Variants in THSD7B observed in about 807,000 individuals in gnomAD.
THSD7B encodes thrombospondin type-1 domain-containing protein 7B.
Under a neutral mutation model 213.6 loss-of-function variants are expected in THSD7B, and 138 were observed. The observed-to-expected ratio is 0.65, with a 90% CI of 0.56 to 0.74. The LOEUF is 0.74. THSD7B is among the 30% of genes least tolerant of loss of function. The pLI is 0.00. For synonymous variants in THSD7B, 742 were observed against 687.0 expected (o/e 1.08, Z -1.25); for missense variants, 1,931 against 1,991.5 (o/e 0.97, Z 0.58).
chr2:137,479,949 G>C (rs934611243), intron 15 of THSD7B, among the ~76,000 whole-genome samples: 1 of 152,164 alleles, frequency 6.6e-6, no homozygotes, highest in Admixed American at 6.5e-5. Flanking sequence ...GAAGGTCAGG[G>C]GGTCTCCCAT....
At chr2:136,872,614 TTC>T (rs1389575536) in intron 1 of THSD7B, among the ~76,000 whole-genome samples, 4 of 151,402 alleles carry the variant, frequency 2.6e-5, no homozygotes, top group Non-Finnish European at 5.9e-5. Context: ...TTTTTCTTTC[TTC>T]TTTCTCTTTC....
rs566268913 is a variant in THSD7B at position 137,605,894 on chromosome 2, C to A, written c.3424-10281C>A. 4.6e-5 allele frequency among the ~76,000 whole-genome samples: 7 copies of A among 152,168 alleles called. No individual in the cohort carries two copies. In the East Asian group the frequency reaches 1.4e-3, roughly 30 times the overall value. On this transcript the variant is annotated intron_variant, in intron 17 of 27. Coordinates refer to ENST00000409968, the MANE Select transcript of THSD7B (RefSeq NM_001316349.2). ...CCGTGTTAGCCAGGATGGTCTCAGTCTCCTACCTTGTGATCCACCCACCTT... is the reference window on the plus strand; with the variant it reads ...CCGTGTTAGCCAGGATGGTCTCAGTATCCTACCTTGTGATCCACCCACCTT...
chr2:137,536,274 A>G (rs924371457), intron 15 of THSD7B, among the ~76,000 whole-genome samples: 15 of 151,454 alleles, frequency 9.9e-5, no homozygotes, highest in Non-Finnish European at 2.1e-4. Flanking sequence ...GGACACATAT[A>G]TAAAAAGCCA....
chr2:137,580,452 T>C (rs1317446078), intron 17 of THSD7B, among the ~76,000 whole-genome samples: 1 of 152,190 alleles, frequency 6.6e-6, no homozygotes, highest in Non-Finnish European at 1.5e-5. Context: ...TTTAAAAAAT[T>C]GGTTCATAGT....
At chr2:137,454,663 A>C (rs1200485338) in intron 15 of THSD7B, among the ~76,000 whole-genome samples, 1 of 152,170 alleles carries the variant, frequency 6.6e-6, no homozygotes, top group Non-Finnish European at 1.5e-5. Flanking sequence ...ATGTTTAAAA[A>C]ATATTCCCCA....
chr2:137,056,863 T>G lies in THSD7B; in HGVS notation c.583T>G (p.Cys195Gly). 1 of 1,613,904 alleles carries G rather than the reference T, an allele frequency of 6.2e-7. No individual in the cohort carries two copies. The highest frequency in any genetic ancestry group is 8.5e-7 in the Non-Finnish European group (1 of 1,179,882). ...ACCATGGTCCAACTGTAGCAAGGGATGTGGGAAGAAATTGCAGCATAGAAC... is the reference window on the plus strand; with the variant it reads ...ACCATGGTCCAACTGTAGCAAGGGAGGTGGGAAGAAATTGCAGCATAGAAC... Reference protein sequence around the residue: ...FLPWSNCSKGCGKKLQHRTRA... With the variant: ...FLPWSNCSKGGGKKLQHRTRA... The change falls in exon 3 of 28, where the codon TGT (cysteine) becomes GGT (glycine). Residue 195 changes from cysteine (C) to glycine (G), a missense_variant. Physicochemically the swap from Cys to Gly is radical, Grantham distance 159. Transcript: ENST00000409968.
At chr2:137,374,239 CCTTT>C (rs1457521827) in intron 12 of THSD7B, among the ~76,000 whole-genome samples, 4 of 152,184 alleles carry the variant, frequency 2.6e-5, no homozygotes, top group Admixed American at 6.6e-5. Flanking sequence ...TAAAGCACAT[CCTTT>C]CTTTCCATTT....
At chr2:136,801,581 C>G (rs72975576) in intron 1 of THSD7B, among the ~76,000 whole-genome samples, 18,236 of 152,102 alleles carry the variant, frequency 0.12, 1,344 homozygotes, top group East Asian at 0.24. Flanking sequence ...TTTGTTCTTC[C>G]TCTTCTGCTG....
intron 1 of THSD7B, among the ~76,000 whole-genome samples, chr2:136,772,974 C>T (rs1681535009): frequency 6.6e-6 from 1 of 152,038 alleles, no homozygotes; most frequent in Admixed American, 6.6e-5. Flanking sequence ...TCTGTCTTTG[C>T]CTCTGGCAGA....
At chr2:137,354,227 C>T (rs536381035) in intron 12 of THSD7B, among the ~76,000 whole-genome samples, 28 of 151,994 alleles carry the variant, frequency 1.8e-4, no homozygotes, top group African/African-American at 6.8e-4. Context: ...GCCTTTGTAT[C>T]CCCACAGCCT....
At chr2:137,334,158 TTCTTTCTC>T (rs1193029015) in intron 12 of THSD7B, among the ~76,000 whole-genome samples, 5 of 137,208 alleles carry the variant, frequency 3.6e-5, no homozygotes, top group African/African-American at 1.4e-4. Context: ...ATTCATTTCT[TTCTTTCTC>T]TCTTTCTCTC....
chr2:137,586,797 T>G (rs1681740073), intron 17 of THSD7B, among the ~76,000 whole-genome samples: 1 of 152,206 alleles, frequency 6.6e-6, no homozygotes, highest in African/African-American at 2.4e-5. Context: ...CTTTCGTGAA[T>G]CTGACAATTG....
chr2:136,773,507 A>T (rs1221860545), intron 1 of THSD7B, among the ~76,000 whole-genome samples: 1 of 152,118 alleles, frequency 6.6e-6, no homozygotes, highest in Non-Finnish European at 1.5e-5. Context: ...TATTAACCCA[A>T]TGTATACAAA....
intron 7 of THSD7B, among the ~76,000 whole-genome samples, chr2:137,197,299 T>C (rs1477857874): frequency 1.3e-5 from 2 of 152,018 alleles, no homozygotes; most frequent in African/African-American, 4.8e-5. Context: ...AAGGAAGAAG[T>C]TGGAGGAGGG....
chr2:136,792,552 G>A (rs1428259595), intron 1 of THSD7B, among the ~76,000 whole-genome samples: 1 of 152,018 alleles, frequency 6.6e-6, no homozygotes, highest in Non-Finnish European at 1.5e-5. Flanking sequence ...CAAGTTTATA[G>A]ATTGTGACAA....
chr2:137,579,929 T>C (rs1573721757), intron 17 of THSD7B, among the ~76,000 whole-genome samples: 1 of 152,182 alleles, frequency 6.6e-6, no homozygotes, highest in East Asian at 1.9e-4. Flanking sequence ...TTTTATATAC[T>C]CTTCCATATT....
chr2:137,269,199 C>T (rs188475061), intron 10 of THSD7B, among the ~76,000 whole-genome samples: 1 of 152,286 alleles, frequency 6.6e-6, no homozygotes, highest in Admixed American at 6.5e-5. Context: ...AGTTTCTCCT[C>T]TGGAAAATCT....
At position 137,639,268 on chromosome 2, in the gene THSD7B, G is replaced by A. The variant is rs541233041; in HGVS notation, c.3800-3220G>A. On this transcript the variant is annotated intron_variant, in intron 20 of 27. Coordinates refer to ENST00000409968, the MANE Select transcript of THSD7B (RefSeq NM_001316349.2). ...AACATGAAGCTCGGGCTGTGGCTTC[G>A]GAGAGTGGAAGCCCCAAGCCTTGGC... is the stretch of plus-strand genomic sequence containing the variant. 4.4e-3 allele frequency among the ~76,000 whole-genome samples: 675 copies of A among 152,266 alleles called. 5 individuals are homozygous for A. The highest frequency in any genetic ancestry group is 7.2e-3 in the Non-Finnish European group (489 of 68,014).
intron 12 of THSD7B, among the ~76,000 whole-genome samples, chr2:137,399,277 C>G (rs1686294076): frequency 6.6e-6 from 1 of 151,100 alleles, no homozygotes; most frequent in Admixed American, 6.6e-5. Context: ...ACTGCAGCAT[C>G]CACCTCCTGG....
Sources: gnomAD v4.1 joint callset for allele counts (sites outside exome capture counted in the v4.1 genomes callset) on GRCh38, gnomAD v4.1.1 for gene constraint, MANE v1.5 for transcripts, NCBI Gene and HGNC (gene_info 2026-07-23, HGNC 2026-07-21) for gene names.